The following CUL5 variants were observed in gnomAD, a reference collection of about 807,000 sequenced individuals.
CUL5 encodes the protein cullin 5.
In CUL5, 26 loss-of-function variants were observed where a neutral mutation model predicts 108.8. The ratio of observed to expected loss-of-function variants is 0.24; its 90% CI spans 0.18 to 0.33. The LOEUF is 0.33. Ranked by LOEUF, CUL5 falls within the 10% of genes least tolerant of loss-of-function variation. CUL5 has a pLI of 1.00. For synonymous variants in CUL5, 334 were observed against 298.0 expected (o/e 1.12, Z -1.25); for missense variants, 524 against 909.2 (o/e 0.58, Z 5.45).
At chr11:108,073,314 A>G (rs906829204) in intron 9 of CUL5, 76 bp from the exon 10 acceptor site, 2 of 680,636 alleles carry the variant, frequency 2.9e-6, no homozygotes, top group South Asian at 4.1e-5. Context: ...GTTTTATTAA[A>G]ATTATGTTTA....
At chr11:108,028,540 A>G (rs1363521311) in intron 1 of CUL5, among the ~76,000 whole-genome samples, 1 of 152,204 alleles carries the variant, frequency 6.6e-6, no homozygotes, top group African/African-American at 2.4e-5. Flanking sequence ...AAATGTAAAT[A>G]AGATTATGAC....
intron 13 of CUL5, among the ~76,000 whole-genome samples, chr11:108,089,868 C>T (rs898505208): frequency 3.3e-5 from 5 of 151,416 alleles, no homozygotes; most frequent in Admixed American, 6.6e-5. Flanking sequence ...GGCAAAACCG[C>T]GTCTCTACTA....
At chr11:108,071,933 TTGAG>T (rs1333076507) in intron 8 of CUL5, among the ~76,000 whole-genome samples, 1 of 152,080 alleles carries the variant, frequency 6.6e-6, no homozygotes, top group East Asian at 1.9e-4. Flanking sequence ...TCCCAGCACT[TTGAG>T]AGACCAAGGC....
chr11:108,027,365 A>T lies in CUL5; in HGVS notation c.25-6437A>T, dbSNP rs180958846. Among the ~76,000 whole-genome samples, 929 of 151,662 alleles carry T rather than the reference A, an allele frequency of 6.1e-3. 5 individuals are homozygous for T. The highest frequency in any genetic ancestry group is 8.1e-3 in the Non-Finnish European group (551 of 67,878). ...TGGCTCACTGCAAACTCCGCCTCCC[A>T]GGTTCAAGCAATTCTCCCACCTCAG... On this transcript the variant is annotated intron_variant, in intron 1 of 18. Coordinates refer to ENST00000393094, the MANE Select transcript of CUL5 (RefSeq NM_003478.6).
intron 1 of CUL5, 56 bp downstream of exon 1, chr11:108,009,428 T>C: frequency 6.3e-7 from 1 of 1,592,002 alleles, no homozygotes; most frequent in Non-Finnish European, 8.6e-7. Context: ...TTCGGCTCTT[T>C]GGGAAAGGCA....
Position 108,107,640 on chromosome 11 carries a change from T to G in CUL5, c.*3256T>G, listed in dbSNP as rs928050372. The G allele has an allele frequency of 6.6e-6, 1 of 152,670 alleles. No homozygotes were observed. The highest frequency in any genetic ancestry group is 6.5e-5 in the Admixed American group (1 of 15,286). 9.5% of individuals were successfully genotyped at this position (152,670 alleles called of 1,614,324 possible). On this transcript the variant is annotated 3_prime_UTR_variant, in exon 19 of 19. Transcript: ENST00000393094. ...ACTGAGATGATAATGCTGTACAATT[T>G]TAAGTGGTAGCAGTTTCTGTATGCA...
chr11:108,078,327 G>A (rs1863990713), intron 11 of CUL5, 87 bp downstream of exon 11: 3 of 598,942 alleles, frequency 5.0e-6, no homozygotes, highest in African/African-American at 1.9e-5. Flanking sequence ...TACCCTGTTA[G>A]GTTTATTTTT....
At chr11:108,078,707 A>G (rs1384172821) in intron 11 of CUL5, among the ~76,000 whole-genome samples, 1 of 152,208 alleles carries the variant, frequency 6.6e-6, no homozygotes, top group Non-Finnish European at 1.5e-5. Flanking sequence ...CTTTCAGAGT[A>G]GTACTAAATA....
intron 9 of CUL5, among the ~76,000 whole-genome samples, 193 bp from the exon 10 acceptor site, chr11:108,073,197 G>A (rs371911612): frequency 8.2e-5 from 12 of 146,358 alleles, no homozygotes; most frequent in Non-Finnish European, 1.3e-4. Context: ...TCGAGACTCC[G>A]TCTCAAAAAA....
chr11:108,013,161 T>G (rs988612884), intron 1 of CUL5, among the ~76,000 whole-genome samples: 5 of 152,214 alleles, frequency 3.3e-5, no homozygotes, highest in African/African-American at 1.2e-4. Context: ...TGCTTCTCTT[T>G]TGGTTTTTAT....
intron 18 of CUL5, among the ~76,000 whole-genome samples, chr11:108,101,349 T>C (rs181375520): frequency 1.4e-4 from 21 of 152,338 alleles, no homozygotes; most frequent in Non-Finnish European, 2.2e-4. Context: ...TATGAAGTAG[T>C]TGATTATCTT....
At chr11:108,073,681 AG>A (rs1863880294) in intron 10 of CUL5, 184 bp downstream of exon 10, 1 of 363,788 alleles carries the variant, frequency 2.7e-6, no homozygotes. Flanking sequence ...GTTAAACATT[AG>A]ATAGCCTTGT....
At chr11:108,046,180 C>T in intron 2 of CUL5, 90 bp from the exon 3 acceptor site, 3 of 860,326 alleles carry the variant, frequency 3.5e-6, no homozygotes, top group South Asian at 1.9e-5. Context: ...CTAATATGGC[C>T]CATGGAAACT....
chr11:108,081,147 G>A (rs1864072249), intron 11 of CUL5, among the ~76,000 whole-genome samples: 1 of 151,958 alleles, frequency 6.6e-6, no homozygotes, highest in South Asian at 2.1e-4. Flanking sequence ...AATTAGCCAG[G>A]CGTGGTGGCT....
rs114467909 is a variant in CUL5, at chr11:108,010,397, C to T, written c.24+1025C>T. 9.6e-3 allele frequency among the ~76,000 whole-genome samples: 1,466 copies of T among 152,070 alleles called. 32 individuals carry two copies. The highest frequency in any genetic ancestry group is 0.033 in the African/African-American group (1,377 of 41,482). ...CCTAACCATCATGTCTTCTTTAGAC[C>T]ACTGATATTTGATTGTCTAATAGAT... is the stretch of plus-strand genomic sequence containing the variant. On this transcript the variant is annotated intron_variant, in intron 1 of 18. Coordinates refer to ENST00000393094, the MANE Select transcript of CUL5 (RefSeq NM_003478.6).
chr11:108,010,863 C>T (rs188636128), intron 1 of CUL5, among the ~76,000 whole-genome samples: 1 of 152,108 alleles, frequency 6.6e-6, no homozygotes, highest in East Asian at 1.9e-4. Flanking sequence ...CTTTGAGAGG[C>T]CAAGGTGGGA....
chr11:108,099,533 CAGA>C (rs2135247574), intron 18 of CUL5, among the ~76,000 whole-genome samples: 2 of 152,166 alleles, frequency 1.3e-5, no homozygotes, highest in East Asian at 1.9e-4. Context: ...CTGGGAGATT[CAGA>C]AGGAGAGTTG....
chr11:108,024,911 CCTGT>C (rs1862419361), intron 1 of CUL5, among the ~76,000 whole-genome samples: 1 of 152,188 alleles, frequency 6.6e-6, no homozygotes, highest in African/African-American at 2.4e-5. Context: ...CTGTTACCAC[CCTGT>C]CTTTCTGACT....
chr11:108,074,355 C>G (rs1020228184), intron 10 of CUL5, among the ~76,000 whole-genome samples: 1 of 151,496 alleles, frequency 6.6e-6, no homozygotes, highest in Non-Finnish European at 1.5e-5. Flanking sequence ...CCACCATGCC[C>G]GGCTAATTTT....
Sources: gnomAD v4.1 joint callset for allele counts (sites outside exome capture counted in the v4.1 genomes callset) on GRCh38, gnomAD v4.1.1 for gene constraint, MANE v1.5 for transcripts, NCBI Gene and HGNC (gene_info 2026-07-23, HGNC 2026-07-21) for gene names.